CNOT9: variants seen among roughly 807,000 people sequenced by gnomAD.
CNOT9 encodes RCD1 required for cell differentiation1 homolog.
CNOT9 carries 8 observed loss-of-function variants against 37.4 expected under a neutral mutation model. The ratio of observed to expected loss-of-function variants is 0.21; its 90% CI spans 0.13 to 0.39. CNOT9 has a LOEUF of 0.39. CNOT9 is among the 10% of genes least tolerant of loss of function. The probability of loss-of-function intolerance (pLI) is 1.00; values close to 1 mark genes in which losing one functional copy is unlikely to be tolerated. For missense variants in CNOT9, 154 were observed against 365.3 expected (o/e 0.42, Z 4.71); for synonymous variants, 120 against 137.6 (o/e 0.87, Z 0.90).
At chr2:218,588,733 A>AT (rs36028807) in intron 5 of CNOT9, among the ~76,000 whole-genome samples, 64,652 of 141,394 alleles carry the variant, frequency 0.46, 17,058 homozygotes, top group South Asian at 0.69. Context: ...CTCCTGGCTA[A>AT]TTTTTTTTTT....
At chr2:218,578,538 A>C (rs1244564938) in intron 1 of CNOT9, among the ~76,000 whole-genome samples, 1 of 152,246 alleles carries the variant, frequency 6.6e-6, no homozygotes, top group Non-Finnish European at 1.5e-5. Flanking sequence ...AAACTGTAAT[A>C]TAGTTCAAAA....
intron 3 of CNOT9, among the ~76,000 whole-genome samples, chr2:218,583,471 T>G (rs1203299786): frequency 5.9e-5 from 9 of 152,142 alleles, no homozygotes; most frequent in Admixed American, 5.9e-4. Context: ...TTCCAGCACT[T>G]TTCCCACACT....
At chr2:218,590,287 T>C (rs1208122478) in intron 5 of CNOT9, among the ~76,000 whole-genome samples, 2 of 152,220 alleles carry the variant, frequency 1.3e-5, no homozygotes, top group Non-Finnish European at 2.9e-5. Flanking sequence ...CATGCTAGTC[T>C]TGAACTCCTA....
In CNOT9 at chr2:218,583,131, A is replaced by G. The variant is rs756749493; in HGVS notation, c.320+45A>G. 13 of 1,230,132 alleles carry G rather than the reference A, an allele frequency of 1.1e-5. No homozygotes were observed. The South Asian group carries it at 1.4e-4, about 14-fold the overall frequency. The allele number at this position is 1,230,132 out of a possible 1,614,324, so 76.2% of individuals were successfully genotyped here. A position where few individuals can be genotyped will look rare whatever the true frequency, so the allele number is the denominator to read the frequency against. ...CACTTGGGGGAGATATACATTGAATATGGTCCTAAACGTTCTCTGAATAAT... is the reference window on the plus strand; with the variant it reads ...CACTTGGGGGAGATATACATTGAATGTGGTCCTAAACGTTCTCTGAATAAT... On this transcript the variant is annotated intron_variant, in intron 3 of 7. Coordinates refer to ENST00000273064, the MANE Select transcript of CNOT9 (RefSeq NM_005444.3).
At chr2:218,584,586 TG>T in intron 3 of CNOT9, 25 bp from the exon 4 acceptor site, 1 of 1,526,124 alleles carries the variant, frequency 6.6e-7, no homozygotes, top group Admixed American at 1.7e-5. Context: ...CCCTGGGCTG[TG>T]AATGTAATTA....
At chr2:218,591,015 C>G (rs1340963164) in intron 5 of CNOT9, among the ~76,000 whole-genome samples, 1 of 152,086 alleles carries the variant, frequency 6.6e-6, no homozygotes, top group Non-Finnish European at 1.5e-5. Flanking sequence ...TTTAAGGACA[C>G]TTCGTTATTA....
At chr2:218,569,532 G>T (rs1693884737) in intron 1 of CNOT9, among the ~76,000 whole-genome samples, 1 of 152,204 alleles carries the variant, frequency 6.6e-6, no homozygotes, top group Non-Finnish European at 1.5e-5. Flanking sequence ...AAAAAAGAAA[G>T]ATAGTGTAAT....
chr2:218,594,511 T>G lies in CNOT9; in HGVS notation c.*235T>G, dbSNP rs1391732529. ...GAAATGGGCTCCTGACACAGCAGTCTGCCACCACAGCCCCAGGAGGGTGTC... is the reference window on the plus strand; with the variant it reads ...GAAATGGGCTCCTGACACAGCAGTCGGCCACCACAGCCCCAGGAGGGTGTC... On this transcript the variant is annotated 3_prime_UTR_variant, in exon 8 of 8. Transcript: ENST00000273064. The G allele has an allele frequency of 1.1e-5, 6 of 537,442 alleles. No individual in the cohort carries two copies. The highest frequency in any genetic ancestry group is 2.4e-5 in the South Asian group (1 of 41,102). 33.3% of individuals were successfully genotyped at this position (537,442 alleles called of 1,614,324 possible).
chr2:218,588,588 C>CT (rs1172484260), intron 5 of CNOT9, among the ~76,000 whole-genome samples: 386 of 33,420 alleles, frequency 0.012, 113 homozygotes, highest in African/African-American at 0.051. Context: ...TCCACCCGGC[C>CT]TTTTTTTTTT....
In CNOT9 at chr2:218,570,973, A is replaced by G. The variant is rs968515017; in HGVS notation, c.24+1995A>G. Among the ~76,000 whole-genome samples the G allele has an allele frequency of 2.6e-5, 4 of 152,358 alleles. No homozygotes were observed. In the East Asian group the frequency reaches 5.8e-4, roughly 22 times the overall value. On this transcript the variant is annotated intron_variant, in intron 1 of 7. Transcript: ENST00000273064. ...TAGGTTATATTTAGCTAGTGAGGAA[A>G]CTAAAACGTAAAAAGTTGAGCCACC...
At chr2:218,588,415 A>G (rs151136040) in intron 5 of CNOT9, among the ~76,000 whole-genome samples, 5,928 of 145,534 alleles carry the variant, frequency 0.041, 377 homozygotes, top group African/African-American at 0.14. Context: ...CAGCCTCCCA[A>G]GTAGCTGGGA....
chr2:218,571,057 A>G (rs1693975970), intron 1 of CNOT9, among the ~76,000 whole-genome samples: 1 of 152,204 alleles, frequency 6.6e-6, no homozygotes, highest in Admixed American at 6.5e-5. Flanking sequence ...GATGTGGGTA[A>G]AGGGACAGTA....
intron 7 of CNOT9, chr2:218,593,507 G>C: frequency 6.9e-7 from 1 of 1,441,248 alleles, no homozygotes; most frequent in Non-Finnish European, 9.3e-7. Context: ...TCTACACATA[G>C]TTAACATTTA....
At chr2:218,576,645 G>T (rs1694179919) in intron 1 of CNOT9, among the ~76,000 whole-genome samples, 1 of 152,048 alleles carries the variant, frequency 6.6e-6, no homozygotes, top group Non-Finnish European at 1.5e-5. Flanking sequence ...TAACTATATT[G>T]TCTAGGTCAA....
chr2:218,594,484 A>G lies in CNOT9; in HGVS notation c.*208A>G. 1.7e-6 allele frequency: 1 copy of G among 571,864 alleles called. No homozygotes were observed. The highest frequency in any genetic ancestry group is 3.0e-6 in the Non-Finnish European group (1 of 328,280). The allele number at this position is 571,864 out of a possible 1,614,324, so 35.4% of individuals were successfully genotyped here. ...GACCTGGGCTCCCTCTGCTACTCCC[A>G]GGAAATGGGCTCCTGACACAGCAGT... On this transcript the variant is annotated 3_prime_UTR_variant, in exon 8 of 8. Transcript: ENST00000273064.
intron 1 of CNOT9, among the ~76,000 whole-genome samples, chr2:218,571,875 C>T (rs1228803693): frequency 2.0e-5 from 3 of 151,110 alleles, no homozygotes; most frequent in Admixed American, 6.6e-5. Context: ...TGAGCCACTG[C>T]GCCCGACCTT....
chr2:218,571,805 G>A (rs1367799566), intron 1 of CNOT9, among the ~76,000 whole-genome samples: 1 of 142,006 alleles, frequency 7.0e-6, no homozygotes, highest in Non-Finnish European at 1.5e-5. Flanking sequence ...GCCTGGTCTC[G>A]AACTCCTGAC....
rs1574981175 is a variant in CNOT9, at chr2:218,570,085, T to G, written c.24+1107T>G. ...GTTTCCCCGGTGCCAGGACAGTTCC[T>G]AGTACAAGATTAAAGACTCAGATAC... On this transcript the variant is annotated intron_variant, in intron 1 of 7. Transcript: ENST00000273064. Among the ~76,000 whole-genome samples the G allele has an allele frequency of 2.0e-5, 3 of 152,156 alleles. 1 individual carries two copies. The East Asian group carries it at 5.8e-4, about 29-fold the overall frequency.
chr2:218,588,212 G>A (rs1255879582), intron 5 of CNOT9, among the ~76,000 whole-genome samples: 1 of 151,406 alleles, frequency 6.6e-6, no homozygotes, highest in Non-Finnish European at 1.5e-5. Context: ...TCCTTTTTTA[G>A]GTGAACTTAC....
Sources: gnomAD v4.1 joint callset for allele counts (sites outside exome capture counted in the v4.1 genomes callset) on GRCh38, gnomAD v4.1.1 for gene constraint, MANE v1.5 for transcripts, NCBI Gene and HGNC (gene_info 2026-07-23, HGNC 2026-07-21) for gene names.